The following VPS8 variants were observed in gnomAD, a reference collection of about 807,000 sequenced individuals.
VPS8 encodes VPS8 subunit of CORVET complex, also known as vacuolar protein sorting-associated protein 8 homolog.
A neutral mutation model predicts 216.4 loss-of-function variants in VPS8; 129 were observed. The ratio of observed to expected loss-of-function variants is 0.60; its 90% CI spans 0.52 to 0.69. The LOEUF (loss-of-function observed/expected upper bound fraction) is 0.69. VPS8 is among the 30% of genes least tolerant of loss of function. The pLI is 0.00. For synonymous variants in VPS8, 571 were observed against 565.4 expected (o/e 1.01, Z -0.14); for missense variants, 1,531 against 1,683.5 (o/e 0.91, Z 1.59).
At chr3:184,831,703 C>T (rs566869139) in intron 3 of VPS8, among the ~76,000 whole-genome samples, 1 of 152,302 alleles carries the variant, frequency 6.6e-6, no homozygotes, top group South Asian at 2.1e-4. Context: ...CGTACTCCTA[C>T]TCAACCCCCC....
At chr3:185,050,097 A>G (rs1713852670) in intron 47 of VPS8, among the ~76,000 whole-genome samples, 1 of 151,812 alleles carries the variant, frequency 6.6e-6, no homozygotes, top group South Asian at 2.1e-4. Flanking sequence ...AGTGGAACAC[A>G]AAAATATCTG....
intron 34 of VPS8, among the ~76,000 whole-genome samples, chr3:184,934,450 C>T (rs534328731): frequency 5.7e-4 from 87 of 152,250 alleles, no homozygotes; most frequent in African/African-American, 2.0e-3. Context: ...GGATTACAAG[C>T]ATGAGCCACC....
At chr3:184,991,606 A>G (rs1751904249) in intron 42 of VPS8, among the ~76,000 whole-genome samples, 1 of 152,162 alleles carries the variant, frequency 6.6e-6, no homozygotes, top group Admixed American at 6.5e-5. Flanking sequence ...CACATGCCAG[A>G]GCTCTGTTGT....
chr3:184,886,226 TA>T (rs1444131005), intron 22 of VPS8, 70 bp downstream of exon 22: 19 of 1,382,058 alleles, frequency 1.4e-5, no homozygotes, highest in Middle Eastern at 3.6e-4. Flanking sequence ...AAGCCATTGC[TA>T]AGAATTCTAT....
chr3:184,983,134 T>A, intron 42 of VPS8, 40 bp downstream of exon 42: 1 of 1,484,476 alleles, frequency 6.7e-7, no homozygotes, highest in Non-Finnish European at 9.1e-7. Flanking sequence ...TGATTTCAAC[T>A]AACATTTTAG....
rs143337910 is a variant in VPS8, at chr3:184,937,688, G to A, written c.2988+1353G>A. Among the ~76,000 whole-genome samples, 297 of 152,264 alleles carry A rather than the reference G, an allele frequency of 2.0e-3. 8 individuals carry two copies. The East Asian group carries it at 0.053, about 27-fold the overall frequency. On this transcript the variant is annotated intron_variant, in intron 35 of 47. Coordinates refer to ENST00000625842, the MANE Select transcript of VPS8 (RefSeq NM_001009921.3). ...GCCTAATGTCAGATTTCCAAGCAGA[G>A]ACTTGGGCAGGGCTTTCTTAATAAA...
intron 3 of VPS8, among the ~76,000 whole-genome samples, chr3:184,831,189 C>T (rs111610079): frequency 2.5e-3 from 387 of 152,274 alleles, no homozygotes; most frequent in Middle Eastern, 0.01. Flanking sequence ...ATGAGCCAGG[C>T]GTGGTGGCAT....
Position 184,957,528 on chromosome 3 carries a change from C to A in VPS8, c.3183+7C>A. On this transcript the variant is annotated splice_region_variant and intron_variant, in intron 37 of 47. Transcript: ENST00000625842. ...TCTGGAAGAAACTATTCAGGTGAGA[C>A]GAACAATGTAAAAGAGACAAGAGTA... 1 of 1,605,270 alleles carries A rather than the reference C, an allele frequency of 6.2e-7. No individual in the cohort carries two copies. Among genetic ancestry groups the A allele is most frequent in the South Asian group, 1.1e-5 (1 of 88,952 alleles).
At position 185,008,719 on chromosome 3, in the gene VPS8, A is replaced by G. The variant is rs188898218; in HGVS notation, c.4002+8858A>G. 4.0e-3 allele frequency among the ~76,000 whole-genome samples: 610 copies of G among 152,320 alleles called. 3 individuals are homozygous for G. The highest frequency in any genetic ancestry group is 5.5e-3 in the Non-Finnish European group (371 of 68,026). On this transcript the variant is annotated intron_variant, in intron 45 of 47. Transcript: ENST00000625842. The stretch of plus-strand genomic sequence containing the variant: ...CAAGCACAAAGGATCTGAGGAGACA[A>G]ATGACTTGTTCAAGGAACTGAAAAA...
intron 7 of VPS8, among the ~76,000 whole-genome samples, chr3:184,840,716 AAATAAT>A (rs967378400): frequency 1.3e-5 from 2 of 151,954 alleles, no homozygotes; most frequent in East Asian, 1.9e-4. Context: ...CACCTCAAAA[AAATAAT>A]AATAATAATA....
At chr3:184,825,282 C>T (rs1425202676) in intron 2 of VPS8, among the ~76,000 whole-genome samples, 1 of 152,148 alleles carries the variant, frequency 6.6e-6, no homozygotes, top group African/African-American at 2.4e-5. Context: ...TCTGATAATC[C>T]ATTGTATAGA....
At chr3:184,901,074 T>C in intron 25 of VPS8, 102 bp downstream of exon 25, 1 of 1,012,752 alleles carries the variant, frequency 9.9e-7, no homozygotes, top group Non-Finnish European at 1.5e-6. Context: ...TGAATGTTGG[T>C]AATCATGTAC....
intron 33 of VPS8, 59 bp from the exon 34 acceptor site, chr3:184,930,411 G>T (rs1314678731): frequency 2.4e-6 from 3 of 1,236,236 alleles, no homozygotes; most frequent in Non-Finnish European, 3.5e-6. Context: ...TGGTTCAGTT[G>T]GTAGGGACTA....
intron 7 of VPS8, among the ~76,000 whole-genome samples, chr3:184,841,564 G>T (rs1426884786): frequency 6.6e-6 from 1 of 152,102 alleles, no homozygotes; most frequent in African/African-American, 2.4e-5. Flanking sequence ...TTTTAGGACA[G>T]ATGTTCCTAA....
chr3:184,992,089 G>C (rs1333782441), intron 42 of VPS8, among the ~76,000 whole-genome samples: 1 of 152,154 alleles, frequency 6.6e-6, no homozygotes, highest in Non-Finnish European at 1.5e-5. Context: ...TGCTGCTCTA[G>C]ACAGACTCAA....
chr3:184,837,095 G>A (rs2108575464), intron 5 of VPS8, among the ~76,000 whole-genome samples: 1 of 152,210 alleles, frequency 6.6e-6, no homozygotes, highest in South Asian at 2.1e-4. Context: ...AGAATCCCGA[G>A]CATACAGGCA....
chr3:184,989,120 T>C (rs1186566906), intron 42 of VPS8, among the ~76,000 whole-genome samples: 2 of 152,204 alleles, frequency 1.3e-5, no homozygotes, highest in Non-Finnish European at 1.5e-5. Context: ...TCTTGTCTTA[T>C]TGCTGTAACT....
intron 42 of VPS8, among the ~76,000 whole-genome samples, chr3:184,987,478 A>G (rs962076036): frequency 6.6e-6 from 1 of 151,994 alleles, no homozygotes; most frequent in Non-Finnish European, 1.5e-5. Flanking sequence ...AGTTGGAATC[A>G]TAGAGTGCGT....
intron 45 of VPS8, among the ~76,000 whole-genome samples, chr3:185,017,891 A>G (rs995575503): frequency 1.3e-5 from 2 of 152,070 alleles, no homozygotes; most frequent in Non-Finnish European, 2.9e-5. Flanking sequence ...ACTTAGAGTG[A>G]CACTGATTAG....
Sources: allele counts gnomAD v4.1 joint callset (sites outside exome capture counted in the v4.1 genomes callset), GRCh38; gene constraint gnomAD v4.1.1; transcripts MANE v1.5; gene names NCBI Gene and HGNC (gene_info 2026-07-23, HGNC 2026-07-21).